The following SKAP1 variants were observed in gnomAD, a reference collection of about 807,000 sequenced individuals.
SKAP1 encodes src kinase associated phosphoprotein 1, also known as src kinase-associated phosphoprotein 1.
SKAP1 carries 44 observed loss-of-function variants against 58.5 expected under a neutral mutation model. The observed-to-expected ratio is 0.75, with a 90% CI of 0.59 to 0.97. The LOEUF (loss-of-function observed/expected upper bound fraction) is 0.97, where lower values mean the gene tolerates loss of function less well. Ranked by LOEUF, SKAP1 falls within the 50% of genes least tolerant of loss-of-function variation. SKAP1 has a pLI of 0.00. For synonymous variants in SKAP1, 127 were observed against 149.7 expected, an observed-to-expected ratio of 0.85 and a Z score of 1.11; for missense variants, 390 against 435.2, an observed-to-expected ratio of 0.90 and a Z score of 0.92.
chr17:48,368,297 G>A (rs1438537709), intron 2 of SKAP1, among the ~76,000 whole-genome samples: 1 of 152,116 alleles, frequency 6.6e-6, no homozygotes, highest in Non-Finnish European at 1.5e-5. Context: ...CCACAATAGA[G>A]AATTCTATAC....
At chr17:48,434,554 A>G (rs1461623870), upstream of SKAP1, among the ~76,000 whole-genome samples, 1 of 152,194 alleles carries the variant, frequency 6.6e-6, no homozygotes, top group Non-Finnish European at 1.5e-5. Flanking sequence ...ATACAACAAA[A>G]TAAGCAGCTT....
rs2066239389 is a variant in SKAP1 at position 48,312,850 on chromosome 17, G to C, written c.280+33055C>G. 3.9e-5 allele frequency among the ~76,000 whole-genome samples: 6 copies of C among 152,128 alleles called. No homozygotes were observed. In the South Asian group the frequency reaches 1.2e-3, roughly 32 times the overall value. On this transcript the variant is annotated intron_variant, in intron 4 of 12. Transcript: ENST00000336915. ...CAGGAATTTGCATTAGGAGACACTT[G>C]GCCATATGATATCTTGGAGGTGGGC...
intron 11 of SKAP1, among the ~76,000 whole-genome samples, chr17:48,138,394 G>T (rs1218037214): frequency 6.1e-5 from 9 of 148,056 alleles, no homozygotes; most frequent in Non-Finnish European, 1.3e-4. Flanking sequence ...TTTTTAGACA[G>T]AGTCTGGCTC....
chr17:48,212,356 C>CAA (rs2064884085), intron 4 of SKAP1, among the ~76,000 whole-genome samples: 1 of 152,084 alleles, frequency 6.6e-6, no homozygotes, highest in African/African-American at 2.4e-5. Flanking sequence ...TTATGTGATT[C>CAA]AAAAGTCCAC....
chr17:48,164,878 T>G (rs2064114876), intron 10 of SKAP1, among the ~76,000 whole-genome samples: 1 of 152,248 alleles, frequency 6.6e-6, no homozygotes, highest in Non-Finnish European at 1.5e-5. Flanking sequence ...TATTGCAGAC[T>G]TCCTGTTTAA....
At chr17:48,225,877 GAA>G (rs1416613296) in intron 4 of SKAP1, among the ~76,000 whole-genome samples, 2 of 152,188 alleles carry the variant, frequency 1.3e-5, no homozygotes, top group Non-Finnish European at 2.9e-5. Context: ...GGACGTGCGA[GAA>G]AAGACAGATC....
intron 2 of SKAP1, among the ~76,000 whole-genome samples, chr17:48,391,081 AAACT>A (rs919290700): frequency 5.3e-5 from 8 of 152,098 alleles, no homozygotes; most frequent in South Asian, 4.1e-4. Flanking sequence ...AAAAAACAAA[AAACT>A]AACTAACTAA....
rs372513504 is a variant in SKAP1 at position 48,379,775 on chromosome 17, G to A, written c.153-15961C>T. Among the ~76,000 whole-genome samples, 9 of 150,094 alleles carry A rather than the reference G, an allele frequency of 6.0e-5. No homozygotes were observed. In the South Asian group the frequency reaches 8.4e-4, roughly 14 times the overall value. On this transcript the variant is annotated intron_variant, in intron 2 of 12. Transcript: ENST00000336915. ...CAGTTCACTGCAACCTCTGCCTCCC[G>A]GGTTCAAGCAATTCTCCTGCCTCGG... is the stretch of plus-strand genomic sequence containing the variant.
At chr17:48,259,379 A>G (rs1204858027) in intron 4 of SKAP1, among the ~76,000 whole-genome samples, 1 of 152,116 alleles carries the variant, frequency 6.6e-6, no homozygotes, top group Non-Finnish European at 1.5e-5. Flanking sequence ...TGCATACCTT[A>G]TTATTATTTA....
the SKAP1 span, among the ~76,000 whole-genome samples, chr17:48,443,414 G>A: frequency 6.6e-6 from 1 of 152,154 alleles, no homozygotes; most frequent in South Asian, 2.1e-4. Flanking sequence ...TTGGTGTATA[G>A]TAGGTCCTCA....
intron 4 of SKAP1, among the ~76,000 whole-genome samples, chr17:48,206,432 CG>C (rs34512757): frequency 0.56 from 84,619 of 151,630 alleles, 24,614 homozygotes; most frequent in East Asian, 0.77. Context: ...AAAATAAAGA[CG>C]TTTTTTTTTA....
intron 4 of SKAP1, among the ~76,000 whole-genome samples, chr17:48,208,345 G>A (rs1275045137): frequency 6.6e-6 from 1 of 152,186 alleles, no homozygotes; most frequent in African/African-American, 2.4e-5. Context: ...CGGGGAAAGG[G>A]ATGAAGGATG....
At chr17:48,395,330 C>G (rs1056756452) in intron 2 of SKAP1, among the ~76,000 whole-genome samples, 7 of 152,084 alleles carry the variant, frequency 4.6e-5, no homozygotes, top group African/African-American at 1.7e-4. Flanking sequence ...TGTATTTGTA[C>G]CCACAGCTGC....
chr17:48,408,549 A>G (rs573167348), intron 1 of SKAP1, among the ~76,000 whole-genome samples: 26 of 152,202 alleles, frequency 1.7e-4, no homozygotes, highest in Non-Finnish European at 3.2e-4. Context: ...TCCTATATAA[A>G]ATACTAGTAA....
chr17:48,412,972 C>T (rs1431997913), intron 1 of SKAP1, among the ~76,000 whole-genome samples: 1 of 151,788 alleles, frequency 6.6e-6, no homozygotes, highest in Non-Finnish European at 1.5e-5. Flanking sequence ...ACAAAGATAA[C>T]TTCTTCCATC....
rs145021582 is a variant in SKAP1 at position 48,143,673 on chromosome 17, C to T, written c.979-6336G>A. On this transcript the variant is annotated intron_variant, in intron 11 of 12. Transcript: ENST00000336915. The stretch of plus-strand genomic sequence containing the variant: ...TGTAACTCGTAAAAACTAGCTTTAG[C>T]TCTTCTGCTATCTCACAGGCAGAGA... 6.7e-4 allele frequency among the ~76,000 whole-genome samples: 102 copies of T among 152,310 alleles called. 1 individual carries two copies. The highest frequency in any genetic ancestry group is 6.4e-3 in the South Asian group (31 of 4,828).
Position 48,328,183 on chromosome 17 carries a change from C to A in SKAP1, c.280+17722G>T, listed in dbSNP as rs556468527. Reference sequence around the variant, plus strand: ...ACCTATCAAACAAGGATACTACTCGCCTCATGAGACTGCTGTGAGGGTTAA... The same window carrying A: ...ACCTATCAAACAAGGATACTACTCGACTCATGAGACTGCTGTGAGGGTTAA... On this transcript the variant is annotated intron_variant, in intron 4 of 12. Coordinates refer to ENST00000336915, the MANE Select transcript of SKAP1 (RefSeq NM_003726.4). Among the ~76,000 whole-genome samples, 407 of 152,272 alleles carry A rather than the reference C, an allele frequency of 2.7e-3. 2 individuals carry two copies. Among genetic ancestry groups the A allele is most frequent in the African/African-American group, 9.5e-3 (393 of 41,538 alleles).
intron 11 of SKAP1, 30 bp downstream of exon 11, chr17:48,162,439 C>G (rs1402192887): frequency 3.3e-6 from 5 of 1,510,626 alleles, no homozygotes; most frequent in Non-Finnish European, 4.6e-6. Flanking sequence ...AATTGACTTT[C>G]TATTTAAGCC....
chr17:48,297,221 T>C (rs916466995), intron 4 of SKAP1, among the ~76,000 whole-genome samples: 2 of 152,170 alleles, frequency 1.3e-5, no homozygotes, highest in Non-Finnish European at 2.9e-5. Flanking sequence ...TAATCCCTGG[T>C]TAACATGGTT....
Sources: allele counts gnomAD v4.1 joint callset (sites outside exome capture counted in the v4.1 genomes callset), GRCh38; gene constraint gnomAD v4.1.1; transcripts MANE v1.5; gene names NCBI Gene and HGNC (gene_info 2026-07-23, HGNC 2026-07-21).